The following C7orf78 variants were observed in gnomAD, a reference collection of about 807,000 sequenced individuals.
C7orf78 encodes chromosome 7 open reading frame 78, also known as putative uncharacterized protein C7orf78.
the C7orf78 span, among the ~76,000 whole-genome samples, chr7:12,511,039 A>G: frequency 1.4e-4 from 21 of 152,250 alleles, no homozygotes; most frequent in African/African-American, 3.9e-4. Flanking sequence ...TAAAGTCTTT[A>G]ATCCATCTGG....
At chr7:12,523,537 G>A in the C7orf78 span, 2 of 394,970 alleles carry the variant, frequency 5.1e-6, no homozygotes, top group Non-Finnish European at 8.9e-6. Context: ...AAAATGGTAT[G>A]TGTATATAAT....
At chr7:12,526,996 T>G in the C7orf78 span, among the ~76,000 whole-genome samples, 1 of 145,816 alleles carries the variant, frequency 6.9e-6, no homozygotes, top group African/African-American at 2.6e-5. Flanking sequence ...CATCTAGCTG[T>G]GTAACTGAAA....
chr7:12,508,665 C>A, the C7orf78 span, among the ~76,000 whole-genome samples: 1 of 152,126 alleles, frequency 6.6e-6, no homozygotes, highest in Non-Finnish European at 1.5e-5. Flanking sequence ...GGGCCTCCAA[C>A]CCAAACCAGG....
At chr7:12,533,215 T>C in the C7orf78 span, among the ~76,000 whole-genome samples, 1 of 152,168 alleles carries the variant, frequency 6.6e-6, no homozygotes, top group Non-Finnish European at 1.5e-5. Context: ...GTTTGTTTGT[T>C]TTTGAGATGC....
chr7:12,507,022 G>A, the C7orf78 span: 4 of 438,536 alleles, frequency 9.1e-6, no homozygotes, highest in Non-Finnish European at 1.4e-5. Flanking sequence ...GCTAGAAAAG[G>A]GCCGGGCGCG....
chr7:12,541,371 C>T, the C7orf78 span: 2 of 152,116 alleles, frequency 1.3e-5, no homozygotes, highest in African/African-American at 4.8e-5. Context: ...CTGGATATAG[C>T]ATATATTCTA....
At chr7:12,520,164 C>A in the C7orf78 span, among the ~76,000 whole-genome samples, 3 of 152,320 alleles carry the variant, frequency 2.0e-5, no homozygotes, top group South Asian at 4.2e-4. Flanking sequence ...GCCAAGCTAA[C>A]CCCTTGCTTT....
At chr7:12,539,381 A>C in the C7orf78 span, among the ~76,000 whole-genome samples, 1 of 151,872 alleles carries the variant, frequency 6.6e-6, no homozygotes, top group East Asian at 1.9e-4. Context: ...GGAGAATGGC[A>C]TGAACCTGGG....
the C7orf78 span, among the ~76,000 whole-genome samples, chr7:12,521,268 G>A: frequency 6.6e-6 from 1 of 151,788 alleles, no homozygotes; most frequent in African/African-American, 2.4e-5. Flanking sequence ...ATTGTTTTCT[G>A]GTTGTTTTGT....
At chr7:12,532,854 G>T in the C7orf78 span, among the ~76,000 whole-genome samples, 867 of 152,296 alleles carry the variant, frequency 5.7e-3, 4 homozygotes, top group Non-Finnish European at 9.0e-3. Flanking sequence ...AGAGTGAACA[G>T]TCAGCAGACA....
chr7:12,511,734 G>T, the C7orf78 span, among the ~76,000 whole-genome samples: 2 of 151,410 alleles, frequency 1.3e-5, no homozygotes, highest in Admixed American at 6.6e-5. Flanking sequence ...ACTGAATTTG[G>T]TTTTTTTGGG....
the C7orf78 span, among the ~76,000 whole-genome samples, chr7:12,487,391 A>T: frequency 6.6e-6 from 1 of 152,094 alleles, no homozygotes; most frequent in African/African-American, 2.4e-5. Flanking sequence ...GATCCTTTAG[A>T]AAAATGAAGA....
chr7:12,529,723 T>C, the C7orf78 span, among the ~76,000 whole-genome samples: 1 of 152,124 alleles, frequency 6.6e-6, no homozygotes, highest in Admixed American at 6.6e-5. Flanking sequence ...ATTTGATGCA[T>C]GGTGGGCAAG....
the C7orf78 span, among the ~76,000 whole-genome samples, chr7:12,528,185 T>C: frequency 2.3e-5 from 3 of 130,954 alleles, no homozygotes; most frequent in African/African-American, 5.7e-5. Context: ...AGCTGTGTAA[T>C]TGAAATGGAA....
the C7orf78 span, among the ~76,000 whole-genome samples, chr7:12,503,355 T>C: frequency 1.8e-4 from 27 of 152,212 alleles, no homozygotes; most frequent in Admixed American, 3.3e-4. Flanking sequence ...GTTCATTTTT[T>C]AGATGTCATA....
the C7orf78 span, among the ~76,000 whole-genome samples, chr7:12,517,642 ATTCT>A: frequency 6.6e-6 from 1 of 151,998 alleles, no homozygotes; most frequent in Non-Finnish European, 1.5e-5. Context: ...AAGTTCTGAG[ATTCT>A]TTCTTCTGCT....
At chr7:12,512,029 C>T in the C7orf78 span, among the ~76,000 whole-genome samples, 1 of 149,956 alleles carries the variant, frequency 6.7e-6, no homozygotes, top group Non-Finnish European at 1.5e-5. Context: ...CCCTCCTTGG[C>T]CTCCCAAAGT....
the C7orf78 span, chr7:12,525,856 GA>G: frequency 3.8e-5 from 15 of 396,846 alleles, no homozygotes; most frequent in African/African-American, 3.1e-4. Flanking sequence ...GACAACTTAT[GA>G]AAAGGACCCC....
chr7:12,536,502 A>T, the C7orf78 span, among the ~76,000 whole-genome samples: 11 of 152,136 alleles, frequency 7.2e-5, no homozygotes, highest in Admixed American at 6.5e-4. Flanking sequence ...GGACTGCCAA[A>T]AAGTTCTCAG....
Sources: allele counts gnomAD v4.1 joint callset (sites outside exome capture counted in the v4.1 genomes callset), GRCh38; gene constraint gnomAD v4.1.1; transcripts MANE v1.5; gene names NCBI Gene and HGNC (gene_info 2026-07-23, HGNC 2026-07-21).